The following FOSL2 variants were observed in gnomAD, a reference collection of about 807,000 sequenced individuals.
FOSL2 encodes FOS like 2, AP-1 transcription factor subunit, also known as fos-related antigen 2.
In FOSL2, 3 loss-of-function variants were observed where a neutral mutation model predicts 27.7. The ratio of observed to expected loss-of-function variants is 0.11; its 90% confidence interval spans 0.05 to 0.28. The LOEUF is 0.28. Among genes scored for constraint, FOSL2 ranks in the 10% least tolerant of loss-of-function variants. The probability of loss-of-function intolerance (pLI) is 1.00; values close to 1 mark genes in which losing one functional copy is unlikely to be tolerated. For missense variants in FOSL2, 333 were observed against 445.1 expected (o/e 0.75, Z 2.27); for synonymous variants, 179 against 190.1 (o/e 0.94, Z 0.48).
Position 28,393,155 on chromosome 2 carries a change from C to A in FOSL2, c.-566C>A. ...CGGGCGCACGCCGCCTTCTCCTAGTCAAGTATCCGAGCCGCCCCGAAACTC... is the reference window on the plus strand; with the variant it reads ...CGGGCGCACGCCGCCTTCTCCTAGTAAAGTATCCGAGCCGCCCCGAAACTC... On this transcript the variant is annotated 5_prime_UTR_variant, in exon 1 of 4. Coordinates refer to ENST00000264716, the MANE Select transcript of FOSL2 (RefSeq NM_005253.4). The surrounding 1 kb of genome is among the most constrained non-coding windows in gnomAD (Gnocchi z 4.6). The A allele has an allele frequency of 3.4e-6, 1 of 294,324 alleles. No individual in the cohort carries two copies. The allele number at this position is 294,324 out of a possible 1,614,324, so 18.2% of individuals were successfully genotyped here. A position where few individuals can be genotyped will look rare whatever the true frequency, so the allele number is the denominator to read the frequency against.
intron 3 of FOSL2, 101 bp from the exon 4 acceptor site, chr2:28,411,829 C>G (rs1664203683): frequency 7.8e-7 from 1 of 1,279,580 alleles, no homozygotes; most frequent in African/African-American, 1.5e-5. Context: ...GTGTGAGCCT[C>G]TGCTCTCACA....
rs754683509 is a variant in FOSL2 at position 28,412,861 on chromosome 2, G to A, written c.*413G>A. 19 of 175,588 alleles carry A rather than the reference G, an allele frequency of 1.1e-4. No individual in the cohort carries two copies. The highest frequency in any genetic ancestry group is 2.3e-4 in the Non-Finnish European group (19 of 83,956). The allele number at this position is 175,588 out of a possible 1,614,324, so 10.9% of individuals were successfully genotyped here. A position where few individuals can be genotyped will look rare whatever the true frequency, so the allele number is the denominator to read the frequency against. ...GTGCCTTTTGGTTTCACCTTCCCTC[G>A]ACTTGACCCTTTCCTCCCCCAGCGT... On this transcript the variant is annotated 3_prime_UTR_variant, in exon 4 of 4. Transcript: ENST00000264716. This position sits in a 1 kb window ranked among gnomAD's most constrained non-coding sequence, Gnocchi z 7.1.
chr2:28,412,270 C>T lies in FOSL2; in HGVS notation c.803C>T (p.Thr268Ile). 1 of 1,614,120 alleles carries T rather than the reference C, an allele frequency of 6.2e-7. No homozygotes were observed. Among genetic ancestry groups the T allele is most frequent in the Non-Finnish European group, 8.5e-7 (1 of 1,180,008 alleles). ...EEPLHTPIVV[T>I]STPAVTPGTS... The stretch of plus-strand genomic sequence containing the variant: ...CCCCTGCACACCCCCATCGTGGTGA[C>T]CTCCACACCTGCTGTCACTCCGGGC... The change falls in exon 4 of 4, where the codon ACC (threonine) becomes ATC (isoleucine). Residue 268 changes from threonine to isoleucine, a missense_variant. Transcript: ENST00000264716. This position sits in a 1 kb window ranked among gnomAD's most constrained non-coding sequence, Gnocchi z 7.1.
In FOSL2 at chr2:28,393,663, G is replaced by T; in HGVS notation, c.-58G>T. 7.5e-7 allele frequency: 1 copy of T among 1,325,790 alleles called. No individual in the cohort carries two copies. Among genetic ancestry groups the T allele is most frequent in the Non-Finnish European group, 1.1e-6 (1 of 951,452 alleles). 82.1% of individuals were successfully genotyped at this position (1,325,790 alleles called of 1,614,324 possible). A position where few individuals can be genotyped will look rare whatever the true frequency, so the allele number is the denominator to read the frequency against. ...AGCGCGCAGCAGCCGGTGCGCGGCC[G>T]CGGCGAGGGCGGGGGAAGAAAAACA... On this transcript the variant is annotated 5_prime_UTR_variant, in exon 1 of 4. Transcript: ENST00000264716. The surrounding 1 kb of genome is among the most constrained non-coding windows in gnomAD (Gnocchi z 4.6).
rs1463998221 is a variant in FOSL2 at position 28,398,530 on chromosome 2, C to T, written c.102+4708C>T. Among the ~76,000 whole-genome samples the T allele has an allele frequency of 2.0e-5, 3 of 152,208 alleles. No homozygotes were observed. The East Asian group carries it at 5.8e-4, about 29-fold the overall frequency. On this transcript the variant is annotated intron_variant, in intron 1 of 3. Coordinates refer to ENST00000264716, the MANE Select transcript of FOSL2 (RefSeq NM_005253.4). Reference sequence around the variant, plus strand: ...AATTCCCCAGTGCTTTGGAGTGGCGCTTCTGGCCAAAAGGGCCCTGGCAGG... The same window carrying T: ...AATTCCCCAGTGCTTTGGAGTGGCGTTTCTGGCCAAAAGGGCCCTGGCAGG...
In FOSL2 at chr2:28,394,066, C is replaced by T. The variant is rs921105475; in HGVS notation, c.102+244C>T. On this transcript the variant is annotated intron_variant, in intron 1 of 3. Transcript: ENST00000264716. Reference sequence around the variant, plus strand: ...ACGTTATATTTTACCCAGATAGACTCCTGGAATTGTAGGCCCCCTACCAGG... The same window carrying T: ...ACGTTATATTTTACCCAGATAGACTTCTGGAATTGTAGGCCCCCTACCAGG... Among the ~76,000 whole-genome samples, 6 of 148,450 alleles carry T rather than the reference C, an allele frequency of 4.0e-5. No homozygotes were observed. The South Asian group carries it at 1.1e-3, about 27-fold the overall frequency.
intron 1 of FOSL2, among the ~76,000 whole-genome samples, chr2:28,398,655 A>C (rs970420334): frequency 1.3e-5 from 2 of 152,144 alleles, no homozygotes; most frequent in East Asian, 1.9e-4. Context: ...GTGGAGGAGG[A>C]TAGAGTAAGT....
chr2:28,394,858 C>G (rs1235825617), intron 1 of FOSL2, among the ~76,000 whole-genome samples: 1 of 152,132 alleles, frequency 6.6e-6, no homozygotes, highest in East Asian at 1.9e-4. Context: ...TGGAGTCTAG[C>G]ATAGTTGGCT....
At chr2:28,397,864 TG>T (rs1159484786) in intron 1 of FOSL2, among the ~76,000 whole-genome samples, 3 of 152,220 alleles carry the variant, frequency 2.0e-5, no homozygotes, top group Non-Finnish European at 4.4e-5. Context: ...AACAAATCTT[TG>T]TCCTTTGAAG....
chr2:28,393,738 C>T lies in FOSL2; in HGVS notation c.18C>T (p.Pro6=). The stretch of plus-strand genomic sequence containing the variant: ...CGCGGATCATGTACCAGGATTATCC[C>T]GGGAACTTTGACACCTCGTCCCGGG... The part of the protein sequence containing the change: MYQDY[P]GNFDTSSRGS... Residue 6 remains proline (P), a synonymous_variant, in exon 1 of 4, where the codon CCC becomes CCT. Transcript: ENST00000264716. This position sits in a 1 kb window ranked among gnomAD's most constrained non-coding sequence, Gnocchi z 4.6. 6.2e-7 allele frequency: 1 copy of T among 1,610,152 alleles called. No individual in the cohort carries two copies. Among genetic ancestry groups the T allele is most frequent in the Non-Finnish European group, 8.5e-7 (1 of 1,178,440 alleles).
Position 28,393,599 on chromosome 2 carries a change from G to A in FOSL2, c.-122G>A. 1 of 686,192 alleles carries A rather than the reference G, an allele frequency of 1.5e-6. No individual in the cohort carries two copies. The highest frequency in any genetic ancestry group is 2.5e-6 in the Non-Finnish European group (1 of 406,964). The allele number at this position is 686,192 out of a possible 1,614,324, so 42.5% of individuals were successfully genotyped here. On this transcript the variant is annotated 5_prime_UTR_variant, in exon 1 of 4. Coordinates refer to ENST00000264716, the MANE Select transcript of FOSL2 (RefSeq NM_005253.4). The surrounding 1 kb of genome is among the most constrained non-coding windows in gnomAD (Gnocchi z 4.6). ...TCCGCGGTGGGGGAGAAACCCAGGAGCGAAGCCCAGAGCCCGCGGCGCGGC... is the reference window on the plus strand; with the variant it reads ...TCCGCGGTGGGGGAGAAACCCAGGAACGAAGCCCAGAGCCCGCGGCGCGGC...
chr2:28,411,757 G>A, intron 3 of FOSL2, 173 bp from the exon 4 acceptor site: 9 of 656,614 alleles, frequency 1.4e-5, no homozygotes, highest in Non-Finnish European at 2.4e-5. Context: ...CTTTGGAAAT[G>A]AAAGGAATCT....
Position 28,393,102 on chromosome 2 carries a change from T to G in FOSL2, c.-619T>G. ...TCTACTTGAGCCCCACGAGCCGCTG[T>G]CCCCCTGGCGCGCTCGGGGCCGCGG... On this transcript the variant is annotated 5_prime_UTR_variant, in exon 1 of 4. Coordinates refer to ENST00000264716, the MANE Select transcript of FOSL2 (RefSeq NM_005253.4). This position sits in a 1 kb window ranked among gnomAD's most constrained non-coding sequence, Gnocchi z 4.6. 2.5e-6 allele frequency: 1 copy of G among 395,846 alleles called. No homozygotes were observed. The allele number at this position is 395,846 out of a possible 1,614,324, so 24.5% of individuals were successfully genotyped here. A position where few individuals can be genotyped will look rare whatever the true frequency, so the allele number is the denominator to read the frequency against.
chr2:28,402,344 G>A (rs1663990651), intron 1 of FOSL2, among the ~76,000 whole-genome samples: 1 of 152,272 alleles, frequency 6.6e-6, no homozygotes, highest in Non-Finnish European at 1.5e-5. Flanking sequence ...GGGCCCCCGA[G>A]GTGGTCTGGT....
chr2:28,403,542 C>T (rs182579007), intron 1 of FOSL2, among the ~76,000 whole-genome samples: 98 of 152,316 alleles, frequency 6.4e-4, no homozygotes, highest in African/African-American at 2.2e-3. Context: ...CATCTTTTCA[C>T]GGACCTGGCT....
chr2:28,393,623 G>A lies in FOSL2; in HGVS notation c.-98G>A. ...AGCGAAGCCCAGAGCCCGCGGCGCG[G>A]CCGGCGGACGAACGAGCGCGCAGCA... On this transcript the variant is annotated 5_prime_UTR_variant, in exon 1 of 4. Coordinates refer to ENST00000264716, the MANE Select transcript of FOSL2 (RefSeq NM_005253.4). This position sits in a 1 kb window ranked among gnomAD's most constrained non-coding sequence, Gnocchi z 4.6. The A allele has an allele frequency of 1.1e-6, 1 of 872,678 alleles. No homozygotes were observed. 54.1% of individuals were successfully genotyped at this position (872,678 alleles called of 1,614,324 possible).
intron 1 of FOSL2, among the ~76,000 whole-genome samples, chr2:28,399,359 C>T (rs1460363808): frequency 1.3e-5 from 2 of 152,178 alleles, no homozygotes; most frequent in African/African-American, 4.8e-5. Flanking sequence ...GCCATGGGTT[C>T]ATAGCTGAAG....
In FOSL2 at chr2:28,412,816, T is replaced by A; in HGVS notation, c.*368T>A. On this transcript the variant is annotated 3_prime_UTR_variant, in exon 4 of 4. Coordinates refer to ENST00000264716, the MANE Select transcript of FOSL2 (RefSeq NM_005253.4). This position sits in a 1 kb window ranked among gnomAD's most constrained non-coding sequence, Gnocchi z 7.1. Reference sequence around the variant, plus strand: ...TCTCTGGAGTGATGGTGTCCTTCCCTGCCCCACCACGCATGCTCAGTGCCT... The same window carrying A: ...TCTCTGGAGTGATGGTGTCCTTCCCAGCCCCACCACGCATGCTCAGTGCCT... 1 of 218,644 alleles carries A rather than the reference T, an allele frequency of 4.6e-6. No individual in the cohort carries two copies. Among genetic ancestry groups the A allele is most frequent in the Non-Finnish European group, 9.1e-6 (1 of 109,878 alleles). 13.5% of individuals were successfully genotyped at this position (218,644 alleles called of 1,614,324 possible).
At chr2:28,397,804 C>G (rs1663886044) in intron 1 of FOSL2, among the ~76,000 whole-genome samples, 2 of 152,216 alleles carry the variant, frequency 1.3e-5, no homozygotes, top group Admixed American at 1.3e-4. Context: ...TTGCAGTACC[C>G]CCTCTTTTGC....
Sources: gnomAD v4.1 joint callset for allele counts (sites outside exome capture counted in the v4.1 genomes callset) on GRCh38, gnomAD v4.1.1 for gene constraint, Gnocchi (gnomAD v3.1) non-coding constraint, MANE v1.5 for transcripts, NCBI Gene and HGNC (gene_info 2026-07-23, HGNC 2026-07-21) for gene names.